Variants in TTI2 observed in about 807,000 individuals in gnomAD.
The protein encoded by TTI2 is TELO2 interacting protein 2, also known as TELO2-interacting protein 2.
Under a neutral mutation model 44.9 loss-of-function variants are expected in TTI2, and 26 were observed. The observed-to-expected ratio is 0.58, with a 90% CI of 0.42 to 0.80. The LOEUF (loss-of-function observed/expected upper bound fraction) is 0.80, where lower values mean the gene tolerates loss of function less well. Among genes scored for constraint, TTI2 ranks in the 30% least tolerant of loss-of-function variants. The probability of loss-of-function intolerance (pLI) is 0.00; values close to 1 mark genes in which losing one functional copy is unlikely to be tolerated. For missense variants in TTI2, 582 were observed against 611.6 expected, an observed-to-expected ratio of 0.95 and a Z score of 0.51; for synonymous variants, 254 against 250.9, an observed-to-expected ratio of 1.01 and a Z score of -0.12.
At chr8:33,502,687 A>G (rs1183010917) in intron 6 of TTI2, among the ~76,000 whole-genome samples, 1 of 151,652 alleles carries the variant, frequency 6.6e-6, no homozygotes, top group Non-Finnish European at 1.5e-5. Context: ...TTAGCCAGGC[A>G]TGGTGGAGGG....
rs1184688523 is a variant in TTI2 at position 33,498,926 on chromosome 8, TA to T, written c.*246del. 1.7e-6 allele frequency: 1 copy of T among 578,504 alleles called. No individual in the cohort carries two copies. Among genetic ancestry groups the T allele is most frequent in the East Asian group, 2.9e-5 (1 of 34,310 alleles). 35.8% of individuals were successfully genotyped at this position (578,504 alleles called of 1,614,324 possible). On this transcript the variant is annotated 3_prime_UTR_variant, in exon 8 of 8. Coordinates refer to ENST00000431156, the MANE Select transcript of TTI2 (RefSeq NM_001102401.4). ...ATGAGATGACGGATGTAAATATTTC[TA>T]AATTTTAAATGCTACATTACTTGGT...
At chr8:33,502,952 AC>A (rs2128827700) in intron 6 of TTI2, among the ~76,000 whole-genome samples, 1 of 152,022 alleles carries the variant, frequency 6.6e-6, no homozygotes, top group Non-Finnish European at 1.5e-5. Flanking sequence ...ACATAGTGAA[AC>A]CCCATCTCTA....
At chr8:33,506,881 G>A (rs1439296547) in intron 4 of TTI2, among the ~76,000 whole-genome samples, 1 of 151,840 alleles carries the variant, frequency 6.6e-6, no homozygotes, top group African/African-American at 2.4e-5. Context: ...TTTTAGTAGA[G>A]ATGGGGTTTT....
Position 33,512,076 on chromosome 8 carries a change from G to A in TTI2, c.538C>T (p.Leu180Phe). The A allele has an allele frequency of 6.2e-7, 1 of 1,614,078 alleles. No homozygotes were observed. Among genetic ancestry groups the A allele is most frequent in the Non-Finnish European group, 8.5e-7 (1 of 1,180,006 alleles). ...EVAREVLTSL[L>F]QVTECGSVAG... ...ACAGAACCGCATTCAGTAACTTGAA[G>A]CAGTGAGGTGAGCACCTCCCTAGCA... Residue 180 changes from leucine (L) to phenylalanine (F), a missense_variant, in exon 2 of 8, where the codon CTT becomes TTT. Physicochemically the swap from Leu to Phe is conservative, Grantham distance 22 (BLOSUM62 0). Coordinates refer to ENST00000431156, the MANE Select transcript of TTI2 (RefSeq NM_001102401.4).
rs1207345806 is a variant in TTI2 at position 33,498,782 on chromosome 8, G to A, written c.*391C>T. The A allele has an allele frequency of 3.4e-5, 24 of 696,052 alleles. No individual in the cohort carries two copies. The highest frequency in any genetic ancestry group is 5.7e-5 in the Non-Finnish European group (24 of 419,972). The allele number at this position is 696,052 out of a possible 1,614,324, so 43.1% of individuals were successfully genotyped here. ...TTATTATTTATGCCACGTCAGTGGG[G>A]CAAGAAATCTGGAGTGAGTGAAGAA... On this transcript the variant is annotated 3_prime_UTR_variant, in exon 8 of 8. Transcript: ENST00000431156.
chr8:33,508,448 A>T (rs1010099557), intron 3 of TTI2, among the ~76,000 whole-genome samples: 6 of 151,592 alleles, frequency 4.0e-5, no homozygotes, highest in Admixed American at 6.6e-5. Flanking sequence ...CAAAAAATTT[A>T]AAAAAAAGAA....
intron 7 of TTI2, 136 bp from the exon 8 acceptor site, chr8:33,499,413 GA>G: frequency 1.5e-6 from 1 of 676,436 alleles, no homozygotes; most frequent in Non-Finnish European, 2.6e-6. Flanking sequence ...TCACTAAGCA[GA>G]ATAGGTATTA....
chr8:33,500,393 C>T lies in TTI2; in HGVS notation c.1357G>A (p.Ala453Thr), dbSNP rs571647825. 1.5e-5 allele frequency: 25 copies of T among 1,614,104 alleles called. No individual in the cohort carries two copies. The East Asian group carries it at 2.0e-4, about 13-fold the overall frequency. Residue 453 changes from alanine (A) to threonine (T), a missense_variant, in exon 7 of 8, where the codon GCC (alanine) becomes ACC (threonine). Physicochemically the swap from Ala to Thr is moderately conservative, Grantham distance 58. Transcript: ENST00000431156. ...PNLTPESVKS[A>T]LLQEATDCLI... ...CAGTCTGTGGCCTCCTGTAGCAGGG[C>T]GCTCTTAACAGACTCAGGTGTAAGG...
rs1232329997 is a variant in TTI2 at position 33,513,102 on chromosome 8, C to A, written c.-120G>T. ...GGTACCTGCAACGGCTCGCGCCCGC[C>A]GGTGTCTAACAGGATCCGGACCTAG... On this transcript the variant is annotated 5_prime_UTR_variant, in exon 1 of 8. Coordinates refer to ENST00000431156, the MANE Select transcript of TTI2 (RefSeq NM_001102401.4). 6.3e-6 allele frequency: 1 copy of A among 158,692 alleles called. No homozygotes were observed. Among genetic ancestry groups the A allele is most frequent in the East Asian group, 1.9e-4 (1 of 5,364 alleles). The allele number at this position is 158,692 out of a possible 1,614,324, so 9.8% of individuals were successfully genotyped here. A position where few individuals can be genotyped will look rare whatever the true frequency, so the allele number is the denominator to read the frequency against.
Position 33,503,900 on chromosome 8 carries a change from G to A in TTI2, c.963C>T (p.Ile321=), listed in dbSNP as rs201664040. ...VLLCLLDLFP[I]LEKTLHWKGD... ...CTTTCCAGTGCAGGGTTTTCTCCAG[G>A]ATGGGGAATAAATCCAGCAGACACA... is the stretch of plus-strand genomic sequence containing the variant. Residue 321 remains isoleucine, a synonymous_variant, in exon 5 of 8, where the codon ATC becomes ATT. Coordinates refer to ENST00000431156, the MANE Select transcript of TTI2 (RefSeq NM_001102401.4). 1 of 1,614,094 alleles carries A rather than the reference G, an allele frequency of 6.2e-7. No homozygotes were observed. The highest frequency in any genetic ancestry group is 8.5e-7 in the Non-Finnish European group (1 of 1,180,018).
Position 33,499,086 on chromosome 8 carries a change from A to G in TTI2, c.*87T>C. 1 of 1,166,900 alleles carries G rather than the reference A, an allele frequency of 8.6e-7. No individual in the cohort carries two copies. Among genetic ancestry groups the G allele is most frequent in the Non-Finnish European group, 1.3e-6 (1 of 786,614 alleles). 72.3% of individuals were successfully genotyped at this position (1,166,900 alleles called of 1,614,324 possible). The stretch of plus-strand genomic sequence containing the variant: ...AGCTTTCACTTACAAAGTTTCGTGT[A>G]AAAATATCTTTTTTTCTTAAATAAC... On this transcript the variant is annotated 3_prime_UTR_variant, in exon 8 of 8. Transcript: ENST00000431156.
chr8:33,502,117 T>C (rs1314850991), intron 6 of TTI2, among the ~76,000 whole-genome samples: 1 of 151,852 alleles, frequency 6.6e-6, no homozygotes, highest in Non-Finnish European at 1.5e-5. Context: ...CTAAGTTTTG[T>C]ATATTTAGTA....
intron 3 of TTI2, among the ~76,000 whole-genome samples, chr8:33,508,087 T>TAA (rs58891946): frequency 0.064 from 1,245 of 19,418 alleles, 157 homozygotes; most frequent in Non-Finnish European, 0.07. Flanking sequence ...CTAGCGGTAG[T>TAA]AAAAAAAAAA....
In TTI2 at chr8:33,507,213, G is replaced by C; in HGVS notation, c.927+16C>G. On this transcript the variant is annotated intron_variant, in intron 4 of 7. Coordinates refer to ENST00000431156, the MANE Select transcript of TTI2 (RefSeq NM_001102401.4). ...CAGAGAATCCAGACCCAGTTATGAA[G>C]AAATCATACTATTACCTGAATGAGG... 4 of 1,609,038 alleles carry C rather than the reference G, an allele frequency of 2.5e-6. No individual in the cohort carries two copies. The South Asian group carries it at 4.4e-5, about 18-fold the overall frequency.
rs1808944243 is a variant in TTI2, at chr8:33,498,764, T to G, written c.*409A>C. 4 of 782,368 alleles carry G rather than the reference T, an allele frequency of 5.1e-6. No homozygotes were observed. In the South Asian group the frequency reaches 5.7e-5, roughly 11 times the overall value. 48.5% of individuals were successfully genotyped at this position (782,368 alleles called of 1,614,324 possible). A position where few individuals can be genotyped will look rare whatever the true frequency, so the allele number is the denominator to read the frequency against. ...AACACAATATTTGTGTTTTTATTATTTATGCCACGTCAGTGGGGCAAGAAA... is the reference window on the plus strand; with the variant it reads ...AACACAATATTTGTGTTTTTATTATGTATGCCACGTCAGTGGGGCAAGAAA... On this transcript the variant is annotated 3_prime_UTR_variant, in exon 8 of 8. Transcript: ENST00000431156.
At chr8:33,500,249 C>G (rs1320602635) in intron 7 of TTI2, 79 bp downstream of exon 7, 2 of 1,558,604 alleles carry the variant, frequency 1.3e-6, no homozygotes, top group East Asian at 4.5e-5. Flanking sequence ...CAGGCACATA[C>G]ATAGTAAATT....
chr8:33,503,424 A>G lies in TTI2; in HGVS notation c.1259+5T>C. On this transcript the variant is annotated splice_donor_5th_base_variant and intron_variant, in intron 6 of 7. Coordinates refer to ENST00000431156, the MANE Select transcript of TTI2 (RefSeq NM_001102401.4). ...CTGAGTTTTGCACCTTAAGGCTGCT[A>G]TTACCTGGGCCAAGTATGTTGCATG... is the stretch of plus-strand genomic sequence containing the variant. 1 of 1,614,124 alleles carries G rather than the reference A, an allele frequency of 6.2e-7. No homozygotes were observed. The highest frequency in any genetic ancestry group is 8.5e-7 in the Non-Finnish European group (1 of 1,180,012).
In TTI2 at chr8:33,508,646, G is replaced by T. The variant is rs183064143; in HGVS notation, c.834+1100C>A. ...AAAAAAAAAAAAAAAAAAAGGGCAG[G>T]GGGGCAGGGTTGGAGGTGATCTCTG... On this transcript the variant is annotated intron_variant, in intron 3 of 7. Coordinates refer to ENST00000431156, the MANE Select transcript of TTI2 (RefSeq NM_001102401.4). 1.1e-3 allele frequency among the ~76,000 whole-genome samples: 159 copies of T among 149,776 alleles called. 1 individual carries two copies. Among genetic ancestry groups the T allele is most frequent in the African/African-American group, 3.8e-3 (155 of 40,670 alleles).
intron 4 of TTI2, among the ~76,000 whole-genome samples, chr8:33,505,715 G>A (rs1432010173): frequency 2.0e-5 from 3 of 151,444 alleles, no homozygotes; most frequent in Admixed American, 6.6e-5. Flanking sequence ...GTGCAGTGGC[G>A]CGATCTTGGC....
Sources: allele counts gnomAD v4.1 joint callset (sites outside exome capture counted in the v4.1 genomes callset), GRCh38; gene constraint gnomAD v4.1.1; transcripts MANE v1.5; gene names NCBI Gene and HGNC (gene_info 2026-07-23, HGNC 2026-07-21).